Variants in MINDY3 observed in about 807,000 individuals in gnomAD.
The protein encoded by MINDY3 is MINDY lysine 48 deubiquitinase 3, also known as ubiquitin carboxyl-terminal hydrolase MINDY-3.
Under a neutral mutation model 69.2 loss-of-function variants are expected in MINDY3, and 38 were observed. The ratio of observed to expected loss-of-function variants is 0.55; its 90% confidence interval spans 0.42 to 0.72. The LOEUF (loss-of-function observed/expected upper bound fraction) is 0.72, where lower values mean the gene tolerates loss of function less well. MINDY3 is among the 30% of genes least tolerant of loss of function. The pLI, the probability that MINDY3 is intolerant of heterozygous loss-of-function variation, is 0.00. For missense variants in MINDY3, 522 were observed against 519.0 expected (o/e 1.01, Z -0.06); for synonymous variants, 192 against 180.1 (o/e 1.07, Z -0.53).
chr10:15,797,889 T>C (rs1424499621), intron 10 of MINDY3, among the ~76,000 whole-genome samples: 1 of 152,138 alleles, frequency 6.6e-6, no homozygotes, highest in Non-Finnish European at 1.5e-5. Flanking sequence ...AAGCTTTAGC[T>C]CCCTTAACTA....
rs1422470941 is a variant in MINDY3, at chr10:15,799,012, C to T, written c.883-2840G>A. 2.0e-5 allele frequency among the ~76,000 whole-genome samples: 3 copies of T among 151,878 alleles called. No homozygotes were observed. In the East Asian group the frequency reaches 5.8e-4, roughly 29 times the overall value. ...GCAAGCATTTTTCTGTAATGGGCCA[C>T]AGAGTAAATTTTTATAGTAAATTTT... On this transcript the variant is annotated intron_variant, in intron 10 of 14. Transcript: ENST00000277632.
intron 14 of MINDY3, among the ~76,000 whole-genome samples, chr10:15,780,150 G>C (rs886741481): frequency 1.3e-5 from 2 of 152,054 alleles, no homozygotes; most frequent in Non-Finnish European, 2.9e-5. Context: ...GCTATTTAAG[G>C]AGCCAAAAGA....
chr10:15,800,137 G>A (rs1838155995), intron 10 of MINDY3, among the ~76,000 whole-genome samples: 2 of 152,132 alleles, frequency 1.3e-5, no homozygotes, highest in Admixed American at 6.6e-5. Flanking sequence ...TGAAAAACTC[G>A]CAAACTGTGC....
rs766417923 is a variant in MINDY3 at position 15,860,314 on chromosome 10, G to C, written c.-15C>G. On this transcript the variant is annotated 5_prime_UTR_variant, in exon 1 of 15. Coordinates refer to ENST00000277632, the MANE Select transcript of MINDY3 (RefSeq NM_024948.4). ...AGTTCGGACATGATGAGGAACCGGC[G>C]GGCGGATCTTCGCTTTGCGGACTCC... The C allele has an allele frequency of 1.4e-5, 22 of 1,575,472 alleles. No individual in the cohort carries two copies. The Admixed American group carries it at 2.2e-4, about 16-fold the overall frequency.
intron 13 of MINDY3, among the ~76,000 whole-genome samples, chr10:15,786,292 T>C (rs1836951017): frequency 6.6e-6 from 1 of 152,172 alleles, no homozygotes; most frequent in Non-Finnish European, 1.5e-5. Flanking sequence ...TTTCTCTTTT[T>C]ACTCCTCAAA....
Position 15,860,384 on chromosome 10 carries a change from C to T in MINDY3, c.-85G>A. 1.0e-6 allele frequency: 1 copy of T among 998,934 alleles called. No homozygotes were observed. Among genetic ancestry groups the T allele is most frequent in the Non-Finnish European group, 1.5e-6 (1 of 648,568 alleles). 61.9% of individuals were successfully genotyped at this position (998,934 alleles called of 1,614,324 possible). On this transcript the variant is annotated 5_prime_UTR_variant, in exon 1 of 15. Transcript: ENST00000277632. ...GGGGCAACTCCGGAAACAGCAGCTG[C>T]GGGACGGCGGCGGCAAACGAATTGG...
chr10:15,819,610 A>G (rs1297139951), intron 9 of MINDY3, among the ~76,000 whole-genome samples: 1 of 152,144 alleles, frequency 6.6e-6, no homozygotes, highest in Non-Finnish European at 1.5e-5. Context: ...TACTTCAGGT[A>G]CATCAGCTGC....
At chr10:15,786,000 T>C (rs1003804164) in intron 13 of MINDY3, among the ~76,000 whole-genome samples, 1 of 152,106 alleles carries the variant, frequency 6.6e-6, no homozygotes, top group Non-Finnish European at 1.5e-5. Context: ...AAGATGGGTA[T>C]TGGATATAGA....
At chr10:15,812,276 T>A (rs939922647) in intron 10 of MINDY3, among the ~76,000 whole-genome samples, 27 of 152,200 alleles carry the variant, frequency 1.8e-4, no homozygotes, top group African/African-American at 5.3e-4. Context: ...CAATGTTCTA[T>A]AATTTCTGGG....
chr10:15,778,727 G>C lies in MINDY3; in HGVS notation c.*265C>G, dbSNP rs1196629369. ...TGTAATTTGGTAAGTAAATGACCAA[G>C]TATCTGAATGCAAAAGTGATGAACT... On this transcript the variant is annotated 3_prime_UTR_variant, in exon 15 of 15. Transcript: ENST00000277632. 2.0e-5 allele frequency: 6 copies of C among 305,630 alleles called. No individual in the cohort carries two copies. Among genetic ancestry groups the C allele is most frequent in the African/African-American group, 4.3e-5 (2 of 46,620 alleles). The allele number at this position is 305,630 out of a possible 1,614,324, so 18.9% of individuals were successfully genotyped here. A position where few individuals can be genotyped will look rare whatever the true frequency, so the allele number is the denominator to read the frequency against.
At chr10:15,816,722 C>A in intron 10 of MINDY3, 113 bp downstream of exon 10, 1 of 725,308 alleles carries the variant, frequency 1.4e-6, no homozygotes, top group South Asian at 1.7e-5. Flanking sequence ...TTGAACAATT[C>A]ATTTGTTGTG....
chr10:15,814,199 T>C (rs1021354412), intron 10 of MINDY3, among the ~76,000 whole-genome samples: 1 of 152,138 alleles, frequency 6.6e-6, no homozygotes, highest in Non-Finnish European at 1.5e-5. Flanking sequence ...CAAGTATTAT[T>C]GTTCTTATTT....
At chr10:15,860,137 G>T in intron 1 of MINDY3, 69 bp downstream of exon 1, 2 of 1,141,682 alleles carry the variant, frequency 1.8e-6, no homozygotes, top group Non-Finnish European at 2.6e-6. Context: ...GGAGCGAGAG[G>T]CGTCACAGGC....
chr10:15,811,733 A>G (rs925317714), intron 10 of MINDY3, among the ~76,000 whole-genome samples: 1 of 152,134 alleles, frequency 6.6e-6, no homozygotes, highest in Non-Finnish European at 1.5e-5. Flanking sequence ...TCAGGAAAAA[A>G]AATAACATAT....
Position 15,816,874 on chromosome 10 carries a change from A to C in MINDY3, c.843T>G (p.Ile281Met). 1 of 1,613,612 alleles carries C rather than the reference A, an allele frequency of 6.2e-7. No individual in the cohort carries two copies. The highest frequency in any genetic ancestry group is 1.1e-5 in the South Asian group (1 of 91,038). ...CGGTGAGGTGAGTCTCACTGCCAAC[A>C]ATCCAAATAGGGAATTTTGGAGATT... ...YLKSPKFPIW[I>M]VGSETHLTVF... is the part of the protein sequence containing the mutation. Residue 281 changes from isoleucine to methionine, a missense_variant, in exon 10 of 15, where the codon ATT becomes ATG. Ile to Met is a conservative substitution (Grantham distance 10, BLOSUM62 1). Transcript: ENST00000277632.
At chr10:15,849,141 T>C (rs1322557033) in intron 1 of MINDY3, among the ~76,000 whole-genome samples, 2 of 152,234 alleles carry the variant, frequency 1.3e-5, no homozygotes, top group Non-Finnish European at 2.9e-5. Context: ...AGGCATGCTC[T>C]ATACTATCAT....
At chr10:15,826,308 T>C (rs747954176) in intron 8 of MINDY3, among the ~76,000 whole-genome samples, 6 of 152,192 alleles carry the variant, frequency 3.9e-5, no homozygotes, top group Middle Eastern at 3.2e-3. Flanking sequence ...TGGGCAAGAA[T>C]GCATTTAATT....
chr10:15,838,100 T>C, intron 5 of MINDY3, 128 bp downstream of exon 5: 8 of 1,288,800 alleles, frequency 6.2e-6, no homozygotes, highest in Non-Finnish European at 7.9e-6. Flanking sequence ...CCTGAAGCAA[T>C]GGATTTAAAA....
intron 11 of MINDY3, among the ~76,000 whole-genome samples, chr10:15,794,680 G>A (rs1837673113): frequency 6.6e-6 from 1 of 151,872 alleles, no homozygotes; most frequent in South Asian, 2.1e-4. Context: ...TTTTAGTATT[G>A]GTAATATGAG....
Sources: gnomAD v4.1 joint callset for allele counts (sites outside exome capture counted in the v4.1 genomes callset) on GRCh38, gnomAD v4.1.1 for gene constraint, MANE v1.5 for transcripts, NCBI Gene and HGNC (gene_info 2026-07-23, HGNC 2026-07-21) for gene names.